The following MAGEC3 variants were observed in gnomAD, a reference collection of about 807,000 sequenced individuals.
The protein encoded by MAGEC3 is MAGE family member C3.
MAGEC3 carries 34 observed loss-of-function variants against 35.3 expected under a neutral mutation model. The ratio of observed to expected loss-of-function variants is 0.96; its 90% CI spans 0.73 to 1.28. MAGEC3 has a LOEUF of 1.28. MAGEC3 is among the 50% of genes most tolerant of loss of function. The probability of loss-of-function intolerance (pLI) is 0.00; values close to 1 mark genes in which losing one functional copy is unlikely to be tolerated. For missense variants in MAGEC3, 561 were observed against 483.6 expected (o/e 1.16, Z -1.50); for synonymous variants, 202 against 185.6 (o/e 1.09, Z -0.72).
intron 1 of MAGEC3, among the ~76,000 whole-genome samples, chrX:141,857,478 C>T (rs888698731): frequency 3.3e-4 from 37 of 111,431 alleles, no homozygotes; most frequent in African/African-American, 1.0e-3. Context: ...AAACTCCTTT[C>T]ATGTCCTAGT....
chrX:141,872,838 A>G (rs2017896875), intron 2 of MAGEC3, among the ~76,000 whole-genome samples: 1 of 111,915 alleles, frequency 8.9e-6, no homozygotes, highest in Non-Finnish European at 1.9e-5. Context: ...AGTCCCCTTC[A>G]GGTTAGTTGT....
chrX:141,865,727 C>A, intron 2 of MAGEC3, 122 bp downstream of exon 2: 1 of 747,415 alleles, frequency 1.3e-6, no homozygotes, highest in Non-Finnish European at 1.8e-6. Flanking sequence ...TTTTGATGTC[C>A]GTAGACTTCA....
In MAGEC3 at chrX:141,872,275, G is replaced by C. The variant is rs189331070; in HGVS notation, c.258+6670G>C. 5.1e-3 allele frequency among the ~76,000 whole-genome samples: 567 copies of C among 110,926 alleles called. 8 individuals carry two copies. The highest frequency in any genetic ancestry group is 0.018 in the African/African-American group (547 of 30,438). ...GCCATTTTACAGTAGAAAATTAAAC[G>C]CTTTGGCTTTAGGGTCTCCGTAAAC... On this transcript the variant is annotated intron_variant, in intron 2 of 7. Coordinates refer to ENST00000298296, the MANE Select transcript of MAGEC3 (RefSeq NM_138702.1).
Position 141,879,412 on chromosome X carries a change from T to TG in MAGEC3, c.502dup (p.Glu168GlyfsTer19). 8.6e-7 allele frequency: 1 copy of TG among 1,164,664 alleles called. No individual in the cohort carries two copies. Among genetic ancestry groups the TG allele is most frequent in the Non-Finnish European group, 1.1e-6 (1 of 871,345 alleles). On this transcript the variant is annotated frameshift_variant, in exon 3 of 8. Coordinates refer to ENST00000298296, the MANE Select transcript of MAGEC3 (RefSeq NM_138702.1). LOFTEE classifies it high-confidence loss of function. ...TGCCGTCAGCCCTGGAAAAAGGTTG[T>TG]GGGGGGAGAAAGCGGGGAGGTGGGC... is the stretch of plus-strand genomic sequence containing the variant.
intron 4 of MAGEC3, among the ~76,000 whole-genome samples, chrX:141,891,655 ATG>A (rs894235501): frequency 5.7e-5 from 6 of 105,249 alleles, no homozygotes; most frequent in East Asian, 2.9e-4. Flanking sequence ...AGATGTGGTA[ATG>A]TGTGTGTGTA....
Position 141,895,294 on chromosome X carries a change from C to A in MAGEC3, c.935C>A (p.Ala312Glu). The A allele has an allele frequency of 8.3e-7, 1 of 1,210,664 alleles. No homozygotes were observed. The highest frequency in any genetic ancestry group is 1.1e-6 in the Non-Finnish European group (1 of 895,061). The change falls in exon 5 of 8, where the codon GCG (alanine) becomes GAG (glutamate). Residue 312 changes from alanine (A) to glutamate (E), a missense_variant. Coordinates refer to ENST00000298296, the MANE Select transcript of MAGEC3 (RefSeq NM_138702.1). ...IGPWSALAGFADVLSRLALWE... is the reference protein window; with the variant it reads ...IGPWSALAGFEDVLSRLALWE... ...CCCTGGTCAGCCTTGGCAGGGTTCG[C>A]GGATGTGCTTTCCCGACTTGCACTG...
At chrX:141,848,717 G>A (rs774641049) in intron 1 of MAGEC3, among the ~76,000 whole-genome samples, 2 of 111,178 alleles carry the variant, frequency 1.8e-5, no homozygotes, top group Non-Finnish European at 3.8e-5. Context: ...GCGATTTATA[G>A]ATTCAATGTT....
intron 4 of MAGEC3, among the ~76,000 whole-genome samples, chrX:141,890,484 G>A (rs749694752): frequency 8.0e-5 from 8 of 99,550 alleles, no homozygotes; most frequent in Non-Finnish European, 1.3e-4. Flanking sequence ...TGGAATTACA[G>A]GCATGAGCCC....
chrX:141,878,189 C>T (rs759294695), intron 2 of MAGEC3, among the ~76,000 whole-genome samples: 3 of 110,883 alleles, frequency 2.7e-5, no homozygotes, highest in Non-Finnish European at 5.7e-5. Context: ...TGATTTTTTT[C>T]TGTCATGATT....
intron 1 of MAGEC3, among the ~76,000 whole-genome samples, chrX:141,841,085 T>G (rs1476725639): frequency 2.7e-5 from 3 of 111,519 alleles, no homozygotes; most frequent in Non-Finnish European, 5.7e-5. Flanking sequence ...TTCTTCTTTC[T>G]TCTTTTCTTT....
intron 4 of MAGEC3, among the ~76,000 whole-genome samples, chrX:141,892,562 A>G (rs2018050321): frequency 9.0e-6 from 1 of 111,271 alleles, no homozygotes; most frequent in South Asian, 3.7e-4. Flanking sequence ...TTAACAGAGG[A>G]AATTATTATT....
rs1329998697 is a variant in MAGEC3, at chrX:141,867,036, GA to G, written c.258+1442del. Among the ~76,000 whole-genome samples, 70 of 101,883 alleles carry G rather than the reference GA, an allele frequency of 6.9e-4. 1 individual carries two copies. Among genetic ancestry groups the G allele is most frequent in the African/African-American group, 1.9e-3 (55 of 28,286 alleles). The allele number at this position is 101,883 out of a possible 115,157, so 88.5% of individuals were successfully genotyped here. ...AATATAAACAAAAGAAAGGTTTTCA[GA>G]AAAAAAAAAACCACCACTAATTTTC... On this transcript the variant is annotated intron_variant, in intron 2 of 7. Coordinates refer to ENST00000298296, the MANE Select transcript of MAGEC3 (RefSeq NM_138702.1).
At position 141,895,414 on chromosome X, in the gene MAGEC3, G is replaced by T. The variant is rs1443753430; in HGVS notation, c.1048+7G>T. The T allele has an allele frequency of 8.3e-7, 1 of 1,210,685 alleles. No individual in the cohort carries two copies. The highest frequency in any genetic ancestry group is 1.1e-6 in the Non-Finnish European group (1 of 895,110). ...GACCTGGCCAATCCTCAAGGTAAGG[G>T]CCCTAAGGGAGAACTGAGGGACTTC... is the stretch of plus-strand genomic sequence containing the variant. On this transcript the variant is annotated splice_region_variant and intron_variant, in intron 5 of 7. Transcript: ENST00000298296.
intron 1 of MAGEC3, among the ~76,000 whole-genome samples, chrX:141,851,108 C>A (rs2017748437): frequency 9.0e-6 from 1 of 110,635 alleles, no homozygotes; most frequent in South Asian, 3.7e-4. Context: ...AACTAAAAAA[C>A]AGTTTGTTTT....
intron 2 of MAGEC3, among the ~76,000 whole-genome samples, chrX:141,877,976 A>T (rs1368185873): frequency 8.9e-6 from 1 of 111,834 alleles, no homozygotes; most frequent in South Asian, 3.7e-4. Flanking sequence ...TACTTCAGTC[A>T]CATTTTCTTA....
rs1120947 is a variant in MAGEC3 at position 141,865,292 on chromosome X, A to T, written c.124-179A>T. On this transcript the variant is annotated intron_variant, in intron 1 of 7. Coordinates refer to ENST00000298296, the MANE Select transcript of MAGEC3 (RefSeq NM_138702.1). ...TTTGAGGCATCTTTTCCTAATTCCA[A>T]GTCATAAGATTTACCTTATATTTTC... Among the ~76,000 whole-genome samples, 1 of 109,400 alleles carries T rather than the reference A, an allele frequency of 9.1e-6. No individual in the cohort carries two copies. Among genetic ancestry groups the T allele is most frequent in the African/African-American group, 3.3e-5 (1 of 30,069 alleles).
Position 141,879,163 on chromosome X carries a change from G to A in MAGEC3, c.259-12G>A, listed in dbSNP as rs767488313. ...GGTAGTGCCCCTCCCCTGTCCCTGTGCCTGCTGCCAGCTCTGGAGGACCCT... is the reference window on the plus strand; with the variant it reads ...GGTAGTGCCCCTCCCCTGTCCCTGTACCTGCTGCCAGCTCTGGAGGACCCT... On this transcript the variant is annotated splice_polypyrimidine_tract_variant and intron_variant, in intron 2 of 7. Transcript: ENST00000298296. The A allele has an allele frequency of 6.0e-5, 70 of 1,162,944 alleles. No individual in the cohort carries two copies. Among genetic ancestry groups the A allele is most frequent in the Non-Finnish European group, 7.6e-5 (66 of 870,819 alleles).
At chrX:141,868,854 T>TTTTA (rs199761435) in intron 2 of MAGEC3, among the ~76,000 whole-genome samples, 10,217 of 106,337 alleles carry the variant, frequency 0.096, 816 homozygotes, top group East Asian at 0.3. Flanking sequence ...AAAATTTTTA[T>TTTTA]TTTATTTATT....
In MAGEC3 at chrX:141,897,781, C is replaced by G; in HGVS notation, c.1881C>G (p.Ala627=). The G allele has an allele frequency of 1.7e-6, 2 of 1,207,786 alleles. No individual in the cohort carries two copies. The highest frequency in any genetic ancestry group is 2.2e-6 in the Non-Finnish European group (2 of 893,857). ...AIIDTTDDAT[A]MASASPSVMS... is the part of the protein sequence containing the mutation. The stretch of plus-strand genomic sequence containing the variant: ...TTGACACCACAGATGATGCTACTGC[C>G]ATGGCCAGTGCAAGCCCCAGTGTCA... The change falls in exon 8 of 8, where the codon GCC becomes GCG. Residue 627 remains alanine (A), a synonymous_variant. Transcript: ENST00000298296.
Sources: gnomAD v4.1 joint callset for allele counts (sites outside exome capture counted in the v4.1 genomes callset) on GRCh38, gnomAD v4.1.1 for gene constraint, MANE v1.5 for transcripts, NCBI Gene and HGNC (gene_info 2026-07-23, HGNC 2026-07-21) for gene names.